The following BBS4 variants were observed in gnomAD, a reference collection of about 807,000 sequenced individuals.
The protein encoded by BBS4 is BBSome complex member BBS4.
Under a neutral mutation model 71.4 loss-of-function variants are expected in BBS4, and 58 were observed. That is an observed-to-expected ratio of 0.81 (90% confidence interval 0.66 to 1.01). The LOEUF is 1.01. Ranked by LOEUF, BBS4 falls within the 50% of genes least tolerant of loss-of-function variation. BBS4 has a pLI of 0.00. For synonymous variants in BBS4, 228 were observed against 216.8 expected (o/e 1.05, Z -0.46); for missense variants, 660 against 607.9 (o/e 1.09, Z -0.90).
intron 9 of BBS4, 88 bp downstream of exon 9, chr15:72,728,082 T>G: frequency 2.2e-6 from 2 of 901,608 alleles, no homozygotes; most frequent in Non-Finnish European, 3.7e-6. Flanking sequence ...ATTCTGATAT[T>G]TATTTTATTA....
At chr15:72,714,739 A>T (rs2065438140) in intron 4 of BBS4, among the ~76,000 whole-genome samples, 1 of 152,254 alleles carries the variant, frequency 6.6e-6, no homozygotes, top group African/African-American at 2.4e-5. Flanking sequence ...CCAGTGTCAC[A>T]AGTATCAGAC....
chr15:72,715,227 C>A, intron 4 of BBS4, 64 bp from the exon 5 acceptor site: 3 of 1,238,524 alleles, frequency 2.4e-6, no homozygotes, highest in East Asian at 2.3e-5. Flanking sequence ...ATTTTTCTGA[C>A]CCCAGGCTCC....
chr15:72,710,965 T>A (rs1179256335), intron 3 of BBS4, among the ~76,000 whole-genome samples: 1 of 151,076 alleles, frequency 6.6e-6, no homozygotes, highest in Non-Finnish European at 1.5e-5. Flanking sequence ...TAATTTTTTT[T>A]TTTTTTTTTG....
Position 72,736,869 on chromosome 15 carries a change from C to G in BBS4, c.1356C>G (p.Thr452=). Residue 452 remains threonine (T), a synonymous_variant, in exon 15 of 16, where the codon ACC becomes ACG. Transcript: ENST00000268057. ...AATCAAAGCACCAGACCACTTCAAC[C>G]AGCAAACCTGCCAGTTTCCAGCAGC... is the stretch of plus-strand genomic sequence containing the variant. The part of the protein sequence containing the change: ...DPKSKHQTTS[T]SKPASFQQPL... 6.2e-7 allele frequency: 1 copy of G among 1,614,188 alleles called. No individual in the cohort carries two copies. Among genetic ancestry groups the G allele is most frequent in the Non-Finnish European group, 8.5e-7 (1 of 1,180,036 alleles).
chr15:72,723,964 G>A (rs2065621772), intron 7 of BBS4, among the ~76,000 whole-genome samples: 1 of 152,176 alleles, frequency 6.6e-6, no homozygotes, highest in African/African-American at 2.4e-5. Context: ...AATGCTTGTT[G>A]AATCTGTGAA....
chr15:72,710,202 T>C (rs865997248), intron 3 of BBS4, among the ~76,000 whole-genome samples: 24,270 of 129,050 alleles, frequency 0.19, 3,522 homozygotes, highest in East Asian at 0.59. Flanking sequence ...CGAGTTTTTT[T>C]TTTTTTTTTT....
rs2065955248 is a variant in BBS4 at position 72,737,740 on chromosome 15, C to T, written c.*153C>T. ...GCCAGCAGTTGAGCCTAAGGTCCTT[C>T]TACCTACCTGGTATTGGCATTTGAG... On this transcript the variant is annotated 3_prime_UTR_variant, in exon 16 of 16. Coordinates refer to ENST00000268057, the MANE Select transcript of BBS4 (RefSeq NM_033028.5). 2 of 691,044 alleles carry T rather than the reference C, an allele frequency of 2.9e-6. No individual in the cohort carries two copies. The highest frequency in any genetic ancestry group is 5.2e-6 in the Non-Finnish European group (2 of 387,114). The allele number at this position is 691,044 out of a possible 1,614,324, so 42.8% of individuals were successfully genotyped here. A position where few individuals can be genotyped will look rare whatever the true frequency, so the allele number is the denominator to read the frequency against.
Position 72,709,779 on chromosome 15 carries a change from G to A in BBS4, c.156G>A (p.Lys52=). ...HYIRKDYEAC[K]AVIKEQLQET... is the part of the protein sequence containing the mutation. ...TCCGGAAAGATTATGAAGCCTGCAAGGTAAGAGATTGCCATAATAATAAAA... is the reference window on the plus strand; with the variant it reads ...TCCGGAAAGATTATGAAGCCTGCAAAGTAAGAGATTGCCATAATAATAAAA... Residue 52 remains lysine (K), a splice_region_variant and synonymous_variant, in exon 3 of 16, where the codon AAG becomes AAA. Transcript: ENST00000268057. 1 of 1,611,628 alleles carries A rather than the reference G, an allele frequency of 6.2e-7. No individual in the cohort carries two copies. The highest frequency in any genetic ancestry group is 8.5e-7 in the Non-Finnish European group (1 of 1,178,140).
chr15:72,704,883 A>G (rs1028589313), intron 2 of BBS4, among the ~76,000 whole-genome samples: 4 of 147,072 alleles, frequency 2.7e-5, no homozygotes, highest in Admixed American at 2.7e-4. Context: ...CCATCTCAAA[A>G]AAACAAAACA....
intron 1 of BBS4, 97 bp downstream of exon 1, chr15:72,686,348 G>A (rs1343824787): frequency 1.3e-5 from 20 of 1,543,170 alleles, no homozygotes; most frequent in Non-Finnish European, 1.6e-5. Flanking sequence ...GAGAGGCGGA[G>A]CTGGGTGCCG....
intron 1 of BBS4, chr15:72,686,486 C>T: frequency 6.5e-7 from 1 of 1,526,964 alleles, no homozygotes; most frequent in Non-Finnish European, 8.8e-7. Context: ...TTGGGGTGCG[C>T]TGGACGGAGA....
intron 8 of BBS4, among the ~76,000 whole-genome samples, chr15:72,726,257 G>A (rs1470998604): frequency 6.6e-6 from 1 of 151,798 alleles, no homozygotes; most frequent in Non-Finnish European, 1.5e-5. Flanking sequence ...GACTGCACGA[G>A]CACGCCACCA....
At chr15:72,724,075 A>G (rs2065623975) in intron 7 of BBS4, among the ~76,000 whole-genome samples, 2 of 152,208 alleles carry the variant, frequency 1.3e-5, no homozygotes, top group Admixed American at 1.3e-4. Context: ...TAGAACAGCA[A>G]GCAGTTGGGT....
chr15:72,737,641 T>C lies in BBS4; in HGVS notation c.*54T>C, dbSNP rs2065952981. On this transcript the variant is annotated 3_prime_UTR_variant, in exon 16 of 16. Coordinates refer to ENST00000268057, the MANE Select transcript of BBS4 (RefSeq NM_033028.5). ...TTTTCTTGGGCGAGGATGTGCTGGA[T>C]TAGGAAAGGTGACATGACACAGGCA... The C allele has an allele frequency of 2.2e-6, 3 of 1,391,648 alleles. No individual in the cohort carries two copies. Among genetic ancestry groups the C allele is most frequent in the South Asian group, 2.5e-5 (2 of 80,800 alleles). 86.2% of individuals were successfully genotyped at this position (1,391,648 alleles called of 1,614,324 possible). A position where few individuals can be genotyped will look rare whatever the true frequency, so the allele number is the denominator to read the frequency against.
At chr15:72,720,508 A>G (rs2151029660) in intron 6 of BBS4, among the ~76,000 whole-genome samples, 1 of 151,900 alleles carries the variant, frequency 6.6e-6, no homozygotes, top group East Asian at 1.9e-4. Flanking sequence ...AAAAAAAGAA[A>G]CAACCTTGTA....
chr15:72,730,292 A>G (rs968492539), intron 10 of BBS4, among the ~76,000 whole-genome samples: 2 of 127,212 alleles, frequency 1.6e-5, no homozygotes, highest in African/African-American at 5.9e-5. Context: ...AAAAAAAAAA[A>G]TAAAAAATAA....
At chr15:72,700,548 A>G (rs760101553) in intron 2 of BBS4, among the ~76,000 whole-genome samples, 1 of 152,152 alleles carries the variant, frequency 6.6e-6, no homozygotes, top group Admixed American at 6.5e-5. Flanking sequence ...AGTGATGTTG[A>G]ACACCTTTTC....
At chr15:72,722,753 A>T in intron 6 of BBS4, 41 bp from the exon 7 acceptor site, 1 of 1,581,838 alleles carries the variant, frequency 6.3e-7, no homozygotes, top group Non-Finnish European at 8.7e-7. Flanking sequence ...CTTACTGTGG[A>T]ATTACACCTG....
intron 6 of BBS4, among the ~76,000 whole-genome samples, chr15:72,721,576 G>T (rs2065577848): frequency 6.6e-6 from 1 of 152,198 alleles, no homozygotes; most frequent in Non-Finnish European, 1.5e-5. Flanking sequence ...TTATAACTAT[G>T]TTGCAGGTTT....
Sources: allele counts gnomAD v4.1 joint callset (sites outside exome capture counted in the v4.1 genomes callset), GRCh38; gene constraint gnomAD v4.1.1; transcripts MANE v1.5; gene names NCBI Gene and HGNC (gene_info 2026-07-23, HGNC 2026-07-21).